The following SLC17A3 variants were observed in gnomAD, a reference collection of about 807,000 sequenced individuals.
SLC17A3 encodes the protein solute carrier family 17 member 3.
A neutral mutation model predicts 60.3 loss-of-function variants in SLC17A3; 61 were observed. The observed-to-expected ratio is 1.01, with a 90% CI of 0.82 to 1.25. SLC17A3 has a LOEUF of 1.25. SLC17A3 is among the 50% of genes most tolerant of loss of function. The probability of loss-of-function intolerance (pLI) is 0.00; values close to 1 mark genes in which losing one functional copy is unlikely to be tolerated. For synonymous variants in SLC17A3, 192 were observed against 208.9 expected (o/e 0.92, Z 0.70); for missense variants, 624 against 594.9 (o/e 1.05, Z -0.51).
At chr6:25,854,520 G>A (rs1003690878) in intron 6 of SLC17A3, among the ~76,000 whole-genome samples, 3 of 152,148 alleles carry the variant, frequency 2.0e-5, no homozygotes, top group Admixed American at 6.5e-5. Context: ...TGCCCTCAAA[G>A]AGCTCACTGT....
At chr6:25,852,009 T>C (rs1203362240) in intron 6 of SLC17A3, among the ~76,000 whole-genome samples, 1 of 152,214 alleles carries the variant, frequency 6.6e-6, no homozygotes, top group Admixed American at 6.5e-5. Flanking sequence ...ACATTTCTTA[T>C]TATTTCAGCT....
At position 25,867,770 on chromosome 6, in the gene SLC17A3, C is replaced by A. The variant is rs924674039; in HGVS notation, c.91+527G>T. On this transcript the variant is annotated intron_variant, in intron 2 of 12. Transcript: ENST00000397060. ...TTTATAAGATTCACAAAGATATTCA[C>A]ACTTTGTGAATCTAATAAAGCAATA... Among the ~76,000 whole-genome samples the A allele has an allele frequency of 2.6e-5, 4 of 151,750 alleles. No homozygotes were observed. In the South Asian group the frequency reaches 8.3e-4, roughly 31 times the overall value.
rs1765450384 is a variant in SLC17A3 at position 25,861,704 on chromosome 6, A to G, written c.545T>C (p.Ile182Thr). 2.5e-6 allele frequency: 4 copies of G among 1,613,774 alleles called. No individual in the cohort carries two copies. Among genetic ancestry groups the G allele is most frequent in the Non-Finnish European group, 2.5e-6 (3 of 1,179,790 alleles). ...RIVQGLSQSS[I>T]LGGQFAIWEK... ...CCAAATTGCAAACTGACCCCCAAGT[A>G]TTGAGGACTGAAATTAAAATGATTA... Residue 182 changes from isoleucine to threonine, a missense_variant, in exon 5 of 13, where the codon ATA (isoleucine) becomes ACA (threonine). Coordinates refer to ENST00000397060, the MANE Select transcript of SLC17A3 (RefSeq NM_001098486.2).
intron 5 of SLC17A3, among the ~76,000 whole-genome samples, chr6:25,858,785 T>C (rs1465486646): frequency 6.6e-6 from 1 of 152,232 alleles, no homozygotes; most frequent in Non-Finnish European, 1.5e-5. Flanking sequence ...TGGCTAATAG[T>C]TGATTTACAT....
intron 6 of SLC17A3, among the ~76,000 whole-genome samples, chr6:25,853,580 G>A (rs1439807486): frequency 6.6e-6 from 1 of 151,498 alleles, no homozygotes; most frequent in Non-Finnish European, 1.5e-5. Context: ...ACCACGCCTG[G>A]CTAATTTTTT....
At chr6:25,862,066 C>A (rs939490597) in intron 3 of SLC17A3, 37 bp from the exon 4 acceptor site, 1 of 1,512,046 alleles carries the variant, frequency 6.6e-7, no homozygotes, top group Non-Finnish European at 9.0e-7. Flanking sequence ...AAACCTTACA[C>A]AAAAAGGTTC....
chr6:25,870,914 A>T (rs1385349355), intron 1 of SLC17A3, among the ~76,000 whole-genome samples: 1 of 152,074 alleles, frequency 6.6e-6, no homozygotes, highest in Non-Finnish European at 1.5e-5. Flanking sequence ...CTTGAAGATC[A>T]AAATGTTGTC....
intron 5 of SLC17A3, among the ~76,000 whole-genome samples, chr6:25,859,794 C>A (rs539042118): frequency 1.3e-5 from 2 of 152,304 alleles, no homozygotes; most frequent in African/African-American, 4.8e-5. Flanking sequence ...ATTCTGCACA[C>A]TTGATTCAGG....
intron 1 of SLC17A3, among the ~76,000 whole-genome samples, chr6:25,871,968 G>C (rs633615): frequency 6.6e-6 from 1 of 151,954 alleles, no homozygotes; most frequent in Admixed American, 6.6e-5. Context: ...TTCTCAGAAA[G>C]AATAGTGCAC....
chr6:25,848,964 G>A (rs1024014171), intron 11 of SLC17A3, among the ~76,000 whole-genome samples: 1 of 152,114 alleles, frequency 6.6e-6, no homozygotes, highest in East Asian at 1.9e-4. Context: ...AAAGAAGAAC[G>A]TGTATGTCTT....
intron 5 of SLC17A3, among the ~76,000 whole-genome samples, chr6:25,859,910 CTG>C (rs1293561645): frequency 1.3e-5 from 2 of 152,114 alleles, no homozygotes. Flanking sequence ...TTGACTGTAA[CTG>C]TGCAATTACA....
Position 25,850,636 on chromosome 6 carries a change from CT to C in SLC17A3, c.832-17del. 6.2e-7 allele frequency: 1 copy of C among 1,613,910 alleles called. No individual in the cohort carries two copies. Among genetic ancestry groups the C allele is most frequent in the South Asian group, 1.1e-5 (1 of 91,084 alleles). ...AAGACCCGACCTGAAAACAAATTTA[CT>C]GGTCATAACGGTAAATCCGACAGAT... On this transcript the variant is annotated splice_polypyrimidine_tract_variant and intron_variant, in intron 7 of 12. Transcript: ENST00000397060.
At chr6:25,852,302 T>C (rs2151520377) in intron 6 of SLC17A3, among the ~76,000 whole-genome samples, 1 of 152,262 alleles carries the variant, frequency 6.6e-6, no homozygotes, top group East Asian at 1.9e-4. Flanking sequence ...GCCATTTGAT[T>C]AGAATGTAAC....
At chr6:25,860,245 A>G (rs1765424278) in intron 5 of SLC17A3, among the ~76,000 whole-genome samples, 1 of 152,144 alleles carries the variant, frequency 6.6e-6, no homozygotes, top group Non-Finnish European at 1.5e-5. Flanking sequence ...AAACTCCTTA[A>G]GTGGCTGCAA....
At position 25,868,340 on chromosome 6, in the gene SLC17A3, G is replaced by A. The variant is rs774323922; in HGVS notation, c.48C>T (p.Asn16=). The part of the protein sequence containing the change: ...ELSPTARESK[N]AQDMQVDETL... ...TCTCATCCACTTGCATATCTTGTGC[G>A]TTCTTGCTCTCCCTTGCTGTGGGAC... Residue 16 remains asparagine (N), a synonymous_variant, in exon 2 of 13, where the codon AAC becomes AAT. Transcript: ENST00000397060. 9.3e-6 allele frequency: 15 copies of A among 1,611,936 alleles called. No homozygotes were observed. In the East Asian group the frequency reaches 1.6e-4, roughly 17 times the overall value.
chr6:25,845,465 G>A lies in SLC17A3; in HGVS notation c.1414C>T (p.Leu472=). 1.2e-6 allele frequency: 2 copies of A among 1,614,040 alleles called. No homozygotes were observed. The highest frequency in any genetic ancestry group is 1.7e-6 in the Non-Finnish European group (2 of 1,179,948). ...NVFFLLFAVN[L]LGLLFYLIFG... is the part of the protein sequence containing the mutation. ...ATGAGGTAGAAGAGTAGTCCTAACA[G>A]GTTAACGGCAAACAGCAAGAAGAAG... The change falls in exon 12 of 13, where the codon CTG becomes TTG. Residue 472 remains leucine (L), a synonymous_variant. Transcript: ENST00000397060.
chr6:25,851,890 C>G (rs1475399056), intron 6 of SLC17A3, among the ~76,000 whole-genome samples: 1 of 152,050 alleles, frequency 6.6e-6, no homozygotes, highest in Non-Finnish European at 1.5e-5. Flanking sequence ...CTTTGCATTT[C>G]CATAAAAATT....
rs754657678 is a variant in SLC17A3 at position 25,861,711 on chromosome 6, A to G, written c.538T>C (p.Ser180Pro). 7 of 1,613,700 alleles carry G rather than the reference A, an allele frequency of 4.3e-6. No individual in the cohort carries two copies. In the African/African-American group the frequency reaches 9.3e-5, roughly 22 times the overall value. Residue 180 changes from serine (S) to proline (P), a missense_variant and splice_region_variant, in exon 5 of 13, where the codon TCC becomes CCC. Ser to Pro is a moderately conservative substitution (Grantham distance 74). Coordinates refer to ENST00000397060, the MANE Select transcript of SLC17A3 (RefSeq NM_001098486.2). ...GCAAACTGACCCCCAAGTATTGAGG[A>G]CTGAAATTAAAATGATTAGAGTTCT... ...VTRIVQGLSQSSILGGQFAIW... is the reference protein window; with the variant it reads ...VTRIVQGLSQPSILGGQFAIW...
intron 6 of SLC17A3, among the ~76,000 whole-genome samples, chr6:25,851,308 CTTA>C (rs1765273343): frequency 6.6e-6 from 1 of 150,592 alleles, no homozygotes; most frequent in Non-Finnish European, 1.5e-5. Flanking sequence ...AATAAAAATC[CTTA>C]TTATACATGT....
Sources: gnomAD v4.1 joint callset for allele counts (sites outside exome capture counted in the v4.1 genomes callset) on GRCh38, gnomAD v4.1.1 for gene constraint, MANE v1.5 for transcripts, NCBI Gene and HGNC (gene_info 2026-07-23, HGNC 2026-07-21) for gene names.